The following FTO variants were observed in gnomAD, a reference collection of about 807,000 sequenced individuals.
FTO encodes FTO alpha-ketoglutarate dependent dioxygenase, also known as alpha-ketoglutarate-dependent dioxygenase FTO.
In FTO, 47 loss-of-function variants were observed where a neutral mutation model predicts 63.9. The ratio of observed to expected loss-of-function variants is 0.74; its 90% confidence interval spans 0.58 to 0.94. The LOEUF is 0.94. Ranked by LOEUF, FTO falls within the 40% of genes least tolerant of loss-of-function variation. FTO has a pLI of 0.00. For synonymous variants in FTO, 207 were observed against 224.4 expected (o/e 0.92, Z 0.69); for missense variants, 562 against 618.1 (o/e 0.91, Z 0.96).
intron 8 of FTO, among the ~76,000 whole-genome samples, chr16:54,031,961 A>G (rs1183806872): frequency 2.0e-5 from 3 of 152,204 alleles, no homozygotes; most frequent in Non-Finnish European, 4.4e-5. Flanking sequence ...CAGTAGGTTT[A>G]GTGTGTTAAG....
At chr16:53,971,534 G>T (rs904941274) in intron 8 of FTO, among the ~76,000 whole-genome samples, 3 of 152,152 alleles carry the variant, frequency 2.0e-5, no homozygotes, top group Admixed American at 6.5e-5. Context: ...AATTGTATTT[G>T]TTCTTACAAC....
chr16:53,797,109 A>C (rs975558753), intron 1 of FTO, among the ~76,000 whole-genome samples: 1 of 152,136 alleles, frequency 6.6e-6, no homozygotes, highest in Non-Finnish European at 1.5e-5. Flanking sequence ...TTTTTAGAGT[A>C]GGTTTAGGTT....
rs375814669 is a variant in FTO, at chr16:53,732,041, A to AT, written c.45+27837dup. ...GCGCCCCAGCCCTCATTGTGGCCTTATTTTTTTTTTTTTTTTTTTTTTTTT... is the reference window on the plus strand; with the variant it reads ...GCGCCCCAGCCCTCATTGTGGCCTTATTTTTTTTTTTTTTTTTTTTTTTTTT... On this transcript the variant is annotated intron_variant, in intron 1 of 8. Transcript: ENST00000471389. 3.8e-3 allele frequency among the ~76,000 whole-genome samples: 374 copies of AT among 98,472 alleles called. 6 individuals carry two copies. The highest frequency in any genetic ancestry group is 0.011 in the East Asian group (25 of 2,192). 64.6% of individuals were successfully genotyped at this position (98,472 alleles called of 152,430 possible).
intron 1 of FTO, among the ~76,000 whole-genome samples, chr16:53,793,715 A>C (rs1026077363): frequency 1.1e-4 from 16 of 152,298 alleles, no homozygotes; most frequent in African/African-American, 3.6e-4. Flanking sequence ...GTGAGCCGAG[A>C]GCGAGACTCC....
chr16:53,705,248 C>G (rs2075569049), intron 1 of FTO, among the ~76,000 whole-genome samples: 1 of 152,090 alleles, frequency 6.6e-6, no homozygotes, highest in African/African-American at 2.4e-5. Context: ...CTCTGCCAAC[C>G]ACCTGTTTAA....
intron 7 of FTO, among the ~76,000 whole-genome samples, chr16:53,902,772 C>A (rs1290377226): frequency 6.6e-6 from 1 of 152,156 alleles, no homozygotes; most frequent in Non-Finnish European, 1.5e-5. Context: ...GAGCTGTTTG[C>A]TTATAAATAT....
intron 8 of FTO, among the ~76,000 whole-genome samples, chr16:54,015,149 G>T (rs1378204915): frequency 2.0e-5 from 3 of 152,082 alleles, no homozygotes; most frequent in African/African-American, 7.2e-5. Context: ...GCAGGCATGA[G>T]CCACCATGCC....
At chr16:53,927,563 G>A (rs1599012461) in intron 7 of FTO, among the ~76,000 whole-genome samples, 1 of 152,248 alleles carries the variant, frequency 6.6e-6, no homozygotes, top group East Asian at 1.9e-4. Context: ...GCCATTGGAA[G>A]GGCAGATCAC....
intron 8 of FTO, among the ~76,000 whole-genome samples, chr16:53,982,894 G>T (rs748880278): frequency 1.8e-4 from 28 of 152,200 alleles, no homozygotes; most frequent in Non-Finnish European, 3.5e-4. Flanking sequence ...ATTTTTTTAT[G>T]AAGGAAATAA....
chr16:53,858,355 A>G (rs536717427), intron 4 of FTO, among the ~76,000 whole-genome samples: 2 of 152,340 alleles, frequency 1.3e-5, no homozygotes, highest in African/African-American at 4.8e-5. Context: ...AATGTTCAAT[A>G]AAGAGATTCT....
chr16:54,027,752 C>G (rs531736443), intron 8 of FTO, among the ~76,000 whole-genome samples: 2 of 152,162 alleles, frequency 1.3e-5, no homozygotes, highest in Non-Finnish European at 2.9e-5. Context: ...ATGGTACCCC[C>G]TGAAGCAATC....
chr16:53,735,479 G>C (rs2076371414), intron 1 of FTO, among the ~76,000 whole-genome samples: 1 of 152,200 alleles, frequency 6.6e-6, no homozygotes, highest in Non-Finnish European at 1.5e-5. Flanking sequence ...CTTGGAGGAG[G>C]CTACATCCTC....
In FTO at chr16:54,120,209, G is replaced by A. The variant is rs1482820244; in HGVS notation, c.*8294G>A. 1.3e-5 allele frequency: 2 copies of A among 152,226 alleles called. No individual in the cohort carries two copies. The highest frequency in any genetic ancestry group is 4.8e-5 in the African/African-American group (2 of 41,458). The allele number at this position is 152,226 out of a possible 1,614,324, so 9.4% of individuals were successfully genotyped here. A position where few individuals can be genotyped will look rare whatever the true frequency, so the allele number is the denominator to read the frequency against. ...AACAATAGATGTGTGGCTGTGTCAG[G>A]GGCATCCTCACTGGGACATAGCTTG... On this transcript the variant is annotated 3_prime_UTR_variant, in exon 9 of 9. Coordinates refer to ENST00000471389, the MANE Select transcript of FTO (RefSeq NM_001080432.3).
chr16:53,958,379 A>T (rs1251233882), intron 8 of FTO, among the ~76,000 whole-genome samples: 1 of 152,192 alleles, frequency 6.6e-6, no homozygotes, highest in African/African-American at 2.4e-5. Context: ...TCCAGCGTGG[A>T]AAGCTTGGGA....
chr16:53,881,044 C>T (rs922245799), intron 6 of FTO, among the ~76,000 whole-genome samples: 1 of 151,020 alleles, frequency 6.6e-6, no homozygotes, highest in Non-Finnish European at 1.5e-5. Context: ...ATGGCATGAA[C>T]CTGCGAGGCG....
intron 8 of FTO, among the ~76,000 whole-genome samples, chr16:54,005,687 C>T (rs1438120267): frequency 6.6e-6 from 1 of 152,138 alleles, no homozygotes; most frequent in South Asian, 2.1e-4. Context: ...CAAACAACTA[C>T]TATATACTGT....
At chr16:54,038,725 C>T (rs1298479147) in intron 8 of FTO, among the ~76,000 whole-genome samples, 1 of 152,174 alleles carries the variant, frequency 6.6e-6, no homozygotes, top group East Asian at 1.9e-4. Context: ...CTCTCTTGTT[C>T]CCTCTTTCGC....
intron 8 of FTO, among the ~76,000 whole-genome samples, chr16:54,051,027 A>G (rs2085299646): frequency 1.3e-5 from 2 of 152,188 alleles, no homozygotes; most frequent in Non-Finnish European, 1.5e-5. Context: ...CTGATTGCAT[A>G]ATAGAAATGG....
At chr16:53,722,209 T>C (rs1025978220) in intron 1 of FTO, among the ~76,000 whole-genome samples, 5 of 152,222 alleles carry the variant, frequency 3.3e-5, no homozygotes, top group Non-Finnish European at 7.3e-5. Flanking sequence ...TGGTGTATGG[T>C]ACCGTATGTG....
Sources: allele counts gnomAD v4.1 joint callset (sites outside exome capture counted in the v4.1 genomes callset), GRCh38; gene constraint gnomAD v4.1.1; transcripts MANE v1.5; gene names NCBI Gene and HGNC (gene_info 2026-07-23, HGNC 2026-07-21).